PALS2: variants seen among roughly 807,000 people sequenced by gnomAD.
The protein encoded by PALS2 is protein associated with LIN7 2, MAGUK p55 family member, also known as protein PALS2.
PALS2 carries 27 observed loss-of-function variants against 61.6 expected under a neutral mutation model. The observed-to-expected ratio is 0.44, with a 90% CI of 0.32 to 0.60. The LOEUF is 0.60. Ranked by LOEUF, PALS2 falls within the 20% of genes least tolerant of loss-of-function variation. PALS2 has a pLI of 0.05. For synonymous variants in PALS2, 236 were observed against 218.6 expected (o/e 1.08, Z -0.70); for missense variants, 554 against 639.4 (o/e 0.87, Z 1.44).
At chr7:24,600,770 AATTTAAGAAACCATGTC>A (rs1783691976) in intron 1 of PALS2, among the ~76,000 whole-genome samples, 1 of 152,176 alleles carries the variant, frequency 6.6e-6, no homozygotes, top group Non-Finnish European at 1.5e-5. Flanking sequence ...GATAAAAAAG[AATTTAAGAAACCATGTC>A]ATCTAAGGAT....
chr7:24,666,579 A>G (rs1199959761), intron 8 of PALS2, among the ~76,000 whole-genome samples: 2 of 152,188 alleles, frequency 1.3e-5, no homozygotes, highest in Non-Finnish European at 2.9e-5. Flanking sequence ...GTCATACAGA[A>G]AGAAATATAT....
At chr7:24,582,238 T>A (rs1782872056) in intron 1 of PALS2, among the ~76,000 whole-genome samples, 1 of 152,242 alleles carries the variant, frequency 6.6e-6, no homozygotes, top group Non-Finnish European at 1.5e-5. Context: ...AGAATATAAC[T>A]CCCATCATCT....
chr7:24,588,475 G>A (rs968312436), intron 1 of PALS2, among the ~76,000 whole-genome samples: 1 of 152,082 alleles, frequency 6.6e-6, no homozygotes. Context: ...GATGTATTTA[G>A]GTATTCTCTT....
intron 1 of PALS2, among the ~76,000 whole-genome samples, chr7:24,600,837 A>G (rs1196113850): frequency 2.0e-5 from 3 of 152,176 alleles, no homozygotes; most frequent in African/African-American, 7.2e-5. Flanking sequence ...AAGCGAAAAA[A>G]TCTTGCCTGT....
chr7:24,593,128 G>A (rs1255700555), intron 1 of PALS2, among the ~76,000 whole-genome samples: 2 of 152,070 alleles, frequency 1.3e-5, no homozygotes, highest in African/African-American at 4.8e-5. Context: ...TGTCATTTCA[G>A]CAATATTTAC....
At chr7:24,587,818 T>G (rs1783131456) in intron 1 of PALS2, among the ~76,000 whole-genome samples, 1 of 152,166 alleles carries the variant, frequency 6.6e-6, no homozygotes, top group Non-Finnish European at 1.5e-5. Flanking sequence ...ACCATGACCA[T>G]ACTGTCTCTA....
At chr7:24,680,678 C>T (rs1387042695) in intron 11 of PALS2, among the ~76,000 whole-genome samples, 158 bp downstream of exon 11, 1 of 152,230 alleles carries the variant, frequency 6.6e-6, no homozygotes, top group East Asian at 1.9e-4. Context: ...TCGTTGCAAC[C>T]TCCCCGTCCC....
chr7:24,618,659 C>T lies in PALS2; in HGVS notation c.-2-5007C>T, dbSNP rs1040366769. Among the ~76,000 whole-genome samples, 1 of 152,142 alleles carries T rather than the reference C, an allele frequency of 6.6e-6. No individual in the cohort carries two copies. The highest frequency in any genetic ancestry group is 1.5e-5 in the Non-Finnish European group (1 of 68,018). On this transcript the variant is annotated intron_variant, in intron 1 of 11. Transcript: ENST00000222644. This position sits in a 1 kb window ranked among gnomAD's most constrained non-coding sequence, Gnocchi z 5.1. ...AGTGGGAGTGGAGGCTGCTGAGGTT[C>T]CTCTGATTACCTTCCTCCCCTACCA...
intron 3 of PALS2, among the ~76,000 whole-genome samples, chr7:24,648,289 CTTTTT>C (rs1265008724): frequency 2.5e-5 from 3 of 118,742 alleles, no homozygotes; most frequent in Admixed American, 8.6e-5. Flanking sequence ...AAAAATTATT[CTTTTT>C]TTTTTTTTTT....
chr7:24,642,611 A>G (rs183918308), intron 3 of PALS2, among the ~76,000 whole-genome samples: 5 of 152,252 alleles, frequency 3.3e-5, no homozygotes, highest in African/African-American at 1.2e-4. Context: ...AGTAAATGTC[A>G]CCTGCTTTCC....
At chr7:24,649,027 GTTT>G (rs1785999686) in intron 3 of PALS2, among the ~76,000 whole-genome samples, 1 of 151,804 alleles carries the variant, frequency 6.6e-6, no homozygotes, top group African/African-American at 2.4e-5. Flanking sequence ...TTACTGACTT[GTTT>G]TTTTGCTCAA....
At chr7:24,617,695 G>A (rs986783694) in intron 1 of PALS2, among the ~76,000 whole-genome samples, 2 of 152,222 alleles carry the variant, frequency 1.3e-5, no homozygotes, top group Non-Finnish European at 2.9e-5. Flanking sequence ...CGATGGTGCA[G>A]CTTTGCCAGG....
At position 24,648,574 on chromosome 7, in the gene PALS2, A is replaced by G. The variant is rs188118865; in HGVS notation, c.271-1038A>G. ...CTCCCAAACTGCTGGTATTACAGGC[A>G]TGAGCCACCGCGCCTGCCCTAAAAA... On this transcript the variant is annotated intron_variant, in intron 3 of 11. Transcript: ENST00000222644. 4.8e-3 allele frequency among the ~76,000 whole-genome samples: 726 copies of G among 152,160 alleles called. 8 individuals carry two copies. The highest frequency in any genetic ancestry group is 0.024 in the Middle Eastern group (7 of 294).
At chr7:24,682,133 G>A (rs918695440) in intron 11 of PALS2, among the ~76,000 whole-genome samples, 2 of 151,968 alleles carry the variant, frequency 1.3e-5, no homozygotes, top group Non-Finnish European at 2.9e-5. Context: ...AAATGTGTTA[G>A]GTAAGACCCA....
intron 2 of PALS2, among the ~76,000 whole-genome samples, chr7:24,630,722 C>T (rs1291640171): frequency 6.6e-6 from 1 of 152,158 alleles, no homozygotes; most frequent in African/African-American, 2.4e-5. Context: ...GAAGCCAATG[C>T]TCATTTACCA....
At chr7:24,617,541 T>TA (rs1274918330) in intron 1 of PALS2, among the ~76,000 whole-genome samples, 3 of 152,196 alleles carry the variant, frequency 2.0e-5, no homozygotes, top group African/African-American at 2.4e-5. Context: ...TGAAAAAACT[T>TA]AGAGTATTGG....
intron 1 of PALS2, among the ~76,000 whole-genome samples, chr7:24,615,717 A>G (rs1451665729): frequency 6.6e-6 from 1 of 152,132 alleles, no homozygotes; most frequent in Non-Finnish European, 1.5e-5. Context: ...CTACAAGGCC[A>G]AAATAACCCT....
At chr7:24,588,412 C>T (rs1162967242) in intron 1 of PALS2, among the ~76,000 whole-genome samples, 1 of 151,888 alleles carries the variant, frequency 6.6e-6, no homozygotes, top group East Asian at 1.9e-4. Context: ...TCTGTTTTAC[C>T]AGTTTATCTC....
At chr7:24,644,404 C>T (rs1208980157) in intron 3 of PALS2, among the ~76,000 whole-genome samples, 2 of 152,104 alleles carry the variant, frequency 1.3e-5, no homozygotes, top group Admixed American at 6.6e-5. Flanking sequence ...TAATAGCCTC[C>T]AGCTCCATTC....
Sources: allele counts gnomAD v4.1 joint callset (sites outside exome capture counted in the v4.1 genomes callset), GRCh38; gene constraint gnomAD v4.1.1; non-coding constraint Gnocchi (gnomAD v3.1); transcripts MANE v1.5; gene names NCBI Gene and HGNC (gene_info 2026-07-23, HGNC 2026-07-21).